TENM2: variants seen among roughly 807,000 people sequenced by gnomAD.
TENM2 encodes teneurin-2.
TENM2 carries 52 observed loss-of-function variants against 245.2 expected under a neutral mutation model. The observed-to-expected ratio is 0.21, with a 90% confidence interval of 0.17 to 0.27. The LOEUF (loss-of-function observed/expected upper bound fraction) is 0.27. TENM2 is among the 10% of genes least tolerant of loss of function. TENM2 has a pLI of 1.00. For missense variants in TENM2, 3,046 were observed against 3,666.8 expected, an observed-to-expected ratio of 0.83 and a Z score of 4.37; for synonymous variants, 1,363 against 1,438.9, an observed-to-expected ratio of 0.95 and a Z score of 1.19.
the TENM2 span, among the ~76,000 whole-genome samples, chr5:167,266,114 T>C: frequency 6.6e-6 from 1 of 152,222 alleles, no homozygotes; most frequent in Non-Finnish European, 1.5e-5. Flanking sequence ...CTTCAACCAA[T>C]TGAGCCTCTT....
intron 13 of TENM2, among the ~76,000 whole-genome samples, chr5:168,166,971 A>G (rs558868555): frequency 6.6e-6 from 1 of 152,158 alleles, no homozygotes; most frequent in East Asian, 1.9e-4. Context: ...TCAGGAAGCA[A>G]TGGCTGATTC....
chr5:167,796,912 A>AT (rs200837345), intron 2 of TENM2, among the ~76,000 whole-genome samples: 45 of 146,862 alleles, frequency 3.1e-4, no homozygotes, highest in South Asian at 1.1e-3. Flanking sequence ...TTGAGGATAG[A>AT]TTTTTTTTTT....
chr5:167,992,175 G>A (rs1783716203), intron 4 of TENM2, among the ~76,000 whole-genome samples: 1 of 152,112 alleles, frequency 6.6e-6, no homozygotes, highest in Non-Finnish European at 1.5e-5. Context: ...AGTGGACACT[G>A]CTCTGATGAC....
chr5:168,219,436 C>G (rs1763471700), intron 23 of TENM2, among the ~76,000 whole-genome samples: 1 of 152,146 alleles, frequency 6.6e-6, no homozygotes, highest in African/African-American at 2.4e-5. Context: ...CTCTGAATTT[C>G]CTCCTTAGCA....
At chr5:168,193,680 G>A (rs1222548029) in intron 14 of TENM2, among the ~76,000 whole-genome samples, 1 of 152,224 alleles carries the variant, frequency 6.6e-6, no homozygotes, top group African/African-American at 2.4e-5. Context: ...GGACTCCATT[G>A]TGGAATGTAC....
chr5:167,995,577 G>A lies in TENM2; in HGVS notation c.1186+2395G>A, dbSNP rs182239863. On this transcript the variant is annotated intron_variant, in intron 5 of 28. Coordinates refer to ENST00000518659, the Ensembl canonical transcript of TENM2. ...CCGAGGTGACCGCAGGTCTGCAAGC[G>A]TGGTAAGGGGTCAGGATCTGAAGTG... Among the ~76,000 whole-genome samples the A allele has an allele frequency of 8.1e-4, 123 of 152,296 alleles. 1 individual carries two copies. Among genetic ancestry groups the A allele is most frequent in the Middle Eastern group, 3.4e-3 (1 of 294 alleles).
intron 2 of TENM2, among the ~76,000 whole-genome samples, chr5:167,663,173 AGAGAG>A (rs1561650025): frequency 2.7e-4 from 41 of 151,388 alleles, no homozygotes; most frequent in African/African-American, 9.0e-4. Context: ...AGAGAGAGAG[AGAGAG>A]AGAGAGAGAA....
At chr5:167,181,468 G>T in the TENM2 span, among the ~76,000 whole-genome samples, 243 of 111,578 alleles carry the variant, frequency 2.2e-3, 2 homozygotes, top group African/African-American at 9.4e-3. Context: ...CCGCTCGTTT[G>T]TGTGTGTGTG....
intron 2 of TENM2, among the ~76,000 whole-genome samples, chr5:167,520,790 A>T (rs1189761926): frequency 6.6e-6 from 1 of 151,410 alleles, no homozygotes; most frequent in Non-Finnish European, 1.5e-5. Flanking sequence ...CAACTTCCAC[A>T]TGGCCTCTAC....
At chr5:167,478,988 A>ATG (rs199668382) in intron 2 of TENM2, among the ~76,000 whole-genome samples, 91 of 22,412 alleles carry the variant, frequency 4.1e-3, no homozygotes, top group African/African-American at 9.7e-3. Context: ...TACTTTATAT[A>ATG]TATGTGTGTG....
At chr5:167,209,581 C>A in the TENM2 span, among the ~76,000 whole-genome samples, 1 of 152,140 alleles carries the variant, frequency 6.6e-6, no homozygotes, top group African/African-American at 2.4e-5. Flanking sequence ...TGTTCCTCAA[C>A]TTATATTGAC....
the TENM2 span, among the ~76,000 whole-genome samples, chr5:167,253,346 C>T: frequency 2.6e-5 from 4 of 151,542 alleles, no homozygotes; most frequent in East Asian, 1.9e-4. Context: ...GATCCACCCA[C>T]CTCGGCCTCC....
At chr5:167,060,477 C>G in the TENM2 span, among the ~76,000 whole-genome samples, 1 of 151,562 alleles carries the variant, frequency 6.6e-6, no homozygotes, top group Non-Finnish European at 1.5e-5. Context: ...ATGGTGAAAC[C>G]CTGTCTCTAC....
At chr5:168,148,503 A>T (rs1336189019) in intron 12 of TENM2, among the ~76,000 whole-genome samples, 2 of 152,200 alleles carry the variant, frequency 1.3e-5, no homozygotes, top group Non-Finnish European at 2.9e-5. Context: ...CTCCCCACCA[A>T]GTCCTTGATT....
chr5:167,045,239 A>G, the TENM2 span, among the ~76,000 whole-genome samples: 2 of 152,316 alleles, frequency 1.3e-5, no homozygotes, highest in African/African-American at 2.4e-5. Flanking sequence ...TTAGCTATCT[A>G]TGTGTACTGG....
chr5:167,018,236 A>G, the TENM2 span, among the ~76,000 whole-genome samples: 1 of 152,228 alleles, frequency 6.6e-6, no homozygotes, highest in Non-Finnish European at 1.5e-5. Context: ...CTCCAAAAGT[A>G]AAATAAATCA....
intron 2 of TENM2, among the ~76,000 whole-genome samples, chr5:167,847,262 C>T (rs184207774): frequency 3.0e-4 from 46 of 152,184 alleles, no homozygotes; most frequent in Non-Finnish European, 5.7e-4. Context: ...CTCACCCTAT[C>T]TTTATCCCAC....
intron 2 of TENM2, among the ~76,000 whole-genome samples, chr5:167,594,777 T>C (rs963314856): frequency 6.6e-6 from 1 of 152,182 alleles, no homozygotes; most frequent in Non-Finnish European, 1.5e-5. Flanking sequence ...GGATTGTCTG[T>C]CTTCGATCAT....
At chr5:168,262,424 G>C (rs1254105572) in exon 29 of TENM2, 1 of 1,580,678 alleles carries the variant, frequency 6.3e-7, no homozygotes, top group Non-Finnish European at 8.6e-7. Context: ...AGAGAGCGGG[G>C]TGAACGTGAC....
Sources: allele counts gnomAD v4.1 joint callset (sites outside exome capture counted in the v4.1 genomes callset), GRCh38; gene constraint gnomAD v4.1.1; transcripts MANE v1.5; gene names NCBI Gene and HGNC (gene_info 2026-07-23, HGNC 2026-07-21).